GLT8D2: variants seen among roughly 807,000 people sequenced by gnomAD.
The protein encoded by GLT8D2 is glycosyltransferase 8 domain-containing protein 2.
In GLT8D2, 45 loss-of-function variants were observed where a neutral mutation model predicts 44.5. That is an observed-to-expected ratio of 1.01 (90% CI 0.80 to 1.30). The LOEUF is 1.30. Among genes scored for constraint, GLT8D2 ranks in the 50% most tolerant of loss-of-function variants. The pLI is 0.00. For missense variants in GLT8D2, 400 were observed against 430.4 expected, an observed-to-expected ratio of 0.93 and a Z score of 0.62; for synonymous variants, 156 against 157.2, an observed-to-expected ratio of 0.99 and a Z score of 0.06.
intron 4 of GLT8D2, among the ~76,000 whole-genome samples, chr12:104,013,736 T>C (rs957592052): frequency 6.6e-6 from 1 of 151,782 alleles, no homozygotes; most frequent in African/African-American, 2.4e-5. Context: ...GTGGAATAAA[T>C]GTATGTAACA....
Position 103,989,423 on chromosome 12 carries a change from G to A in GLT8D2, c.1035C>T (p.Leu345=), listed in dbSNP as rs779114174. Residue 345 remains leucine, a synonymous_variant, in exon 11 of 11, where the codon CTC becomes CTT. Transcript: ENST00000360814. ...FVPDPAGIFK[L]NHHS is the part of the protein sequence containing the mutation. The stretch of plus-strand genomic sequence containing the variant: ...TAGAGTTATATCAGCTATGGTGATT[G>A]AGTTTAAATATCCCTGCAGGGTCAG... 5 of 1,609,938 alleles carry A rather than the reference G, an allele frequency of 3.1e-6. No homozygotes were observed. In the East Asian group the frequency reaches 1.1e-4, roughly 36 times the overall value.
At chr12:104,064,433 A>C, upstream of GLT8D2, 1 of 960,832 alleles carries the variant, frequency 1.0e-6, no homozygotes, top group Non-Finnish European at 1.4e-6. The surrounding 1 kb of genome is among the most constrained non-coding windows in gnomAD (Gnocchi z 7.3). Context: ...GCGGGCCTCC[A>C]GCCTGGCCGC....
chr12:103,997,956 CGT>C (rs1555276833), intron 6 of GLT8D2, among the ~76,000 whole-genome samples: 7 of 145,432 alleles, frequency 4.8e-5, no homozygotes, highest in Admixed American at 4.1e-4. Flanking sequence ...CACACACACA[CGT>C]GTGTCATTCC....
intron 4 of GLT8D2, among the ~76,000 whole-genome samples, chr12:104,004,408 G>T (rs1264343126): frequency 6.6e-6 from 1 of 152,080 alleles, no homozygotes; most frequent in Non-Finnish European, 1.5e-5. Context: ...AGAAATAAAG[G>T]GTATTCATTT....
chr12:104,001,682 C>CTTTATTTATTTATTTA (rs567362806), intron 5 of GLT8D2, among the ~76,000 whole-genome samples: 4,587 of 151,860 alleles, frequency 0.03, 121 homozygotes, highest in South Asian at 0.099. Flanking sequence ...CACAGAAAAA[C>CTTTATTTATTTATTTA]TTTATTTATT....
At chr12:104,009,319 T>C (rs1395903077) in intron 4 of GLT8D2, among the ~76,000 whole-genome samples, 1 of 152,192 alleles carries the variant, frequency 6.6e-6, no homozygotes, top group East Asian at 1.9e-4. Flanking sequence ...AAGGAGATCA[T>C]TTTGGAGCTT....
intron 1 of GLT8D2, among the ~76,000 whole-genome samples, chr12:104,045,541 G>C (rs1880991574): frequency 6.6e-6 from 1 of 152,156 alleles, no homozygotes; most frequent in Admixed American, 6.5e-5. Flanking sequence ...AAGAAAAGGA[G>C]AGTACAGAGA....
chr12:104,032,466 CAAA>C (rs547392677), intron 1 of GLT8D2, among the ~76,000 whole-genome samples: 5,477 of 59,244 alleles, frequency 0.092, 69 homozygotes, highest in African/African-American at 0.13. Flanking sequence ...TGTGCAATAG[CAAA>C]AAAAAAAAAA....
chr12:104,027,146 C>T (rs554121119), intron 1 of GLT8D2, among the ~76,000 whole-genome samples: 1 of 152,346 alleles, frequency 6.6e-6, no homozygotes, highest in South Asian at 2.1e-4. Context: ...ATAGACTGAA[C>T]ACCCAAGAGC....
At chr12:103,995,290 G>C (rs959441527) in intron 8 of GLT8D2, among the ~76,000 whole-genome samples, 1 of 152,090 alleles carries the variant, frequency 6.6e-6, no homozygotes, top group African/African-American at 2.4e-5. Context: ...AAAATGGCCT[G>C]CCATACCCTA....
rs376639711 is a variant in GLT8D2 at position 104,003,293 on chromosome 12, C to T, written c.126G>A (p.Glu42=). 1 of 1,613,992 alleles carries T rather than the reference C, an allele frequency of 6.2e-7. No homozygotes were observed. The change falls in exon 5 of 11, where the codon GAG becomes GAA. Residue 42 remains glutamate, a synonymous_variant. Transcript: ENST00000360814. ...TCTCTTCTTCCAGTTCTTCAGGAGT[C>T]TCGGATTCATCATCTGGAAACATAA... is the stretch of plus-strand genomic sequence containing the variant. The part of the protein sequence containing the change: ...VPKNDADDES[E]TPEELEEEIP...
intron 1 of GLT8D2, among the ~76,000 whole-genome samples, chr12:104,062,126 T>G (rs1377109252): frequency 2.6e-5 from 4 of 151,714 alleles, no homozygotes; most frequent in Non-Finnish European, 1.5e-5. Flanking sequence ...CAGGCTGGAG[T>G]GCAATGGCAC....
chr12:104,002,201 C>T (rs1420889516), intron 5 of GLT8D2, among the ~76,000 whole-genome samples: 1 of 152,120 alleles, frequency 6.6e-6, no homozygotes, highest in African/African-American at 2.4e-5. Flanking sequence ...CCAAGTCATC[C>T]TTTTTCCTTG....
At chr12:104,023,132 T>C (rs1480373108) in intron 1 of GLT8D2, among the ~76,000 whole-genome samples, 1 of 152,152 alleles carries the variant, frequency 6.6e-6, no homozygotes, top group African/African-American at 2.4e-5. Flanking sequence ...TTCTTAAAAA[T>C]TGCTATGCAT....
intron 4 of GLT8D2, chr12:104,012,732 A>T: frequency 1.5e-6 from 1 of 674,824 alleles, no homozygotes; most frequent in Middle Eastern, 2.4e-4. Context: ...AGCTTCCAGC[A>T]TCTCAGGATG....
chr12:104,018,124 C>T (rs189285124), intron 3 of GLT8D2, among the ~76,000 whole-genome samples: 3 of 152,112 alleles, frequency 2.0e-5, no homozygotes, highest in Admixed American at 1.3e-4. Flanking sequence ...CACATATCAC[C>T]ACACCTGGCT....
At chr12:104,032,489 A>AAAAAAAAAAAAAAAAAAAAG (rs1879406106) in intron 1 of GLT8D2, among the ~76,000 whole-genome samples, 2 of 134,332 alleles carry the variant, frequency 1.5e-5, no homozygotes, top group African/African-American at 5.5e-5. Flanking sequence ...AAAAAAAAAA[A>AAAAAAAAAAAAAAAAAAAAG]AATAGGCAAA....
rs536410834 is a variant in GLT8D2, at chr12:104,055,968, T to C, written c.-422-5680A>G. Among the ~76,000 whole-genome samples, 8 of 152,362 alleles carry C rather than the reference T, an allele frequency of 5.3e-5. No individual in the cohort carries two copies. The East Asian group carries it at 1.5e-3, about 29-fold the overall frequency. ...GTTGCAGGTCATCTTCCTGTTGCCC[T>C]GAGCTTCGGTGCTCTTGCTTTCCCC... On this transcript the variant is annotated intron_variant, in intron 1 of 10. Coordinates refer to the GLT8D2 transcript ENST00000548660.
chr12:104,021,953 A>G (rs28505253), intron 1 of GLT8D2, among the ~76,000 whole-genome samples: 315 of 13,692 alleles, frequency 0.023, 17 homozygotes, highest in East Asian at 0.15. Flanking sequence ...AAGAAGAAGA[A>G]GAGGAAGAAG....
Sources: gnomAD v4.1 joint callset for allele counts (sites outside exome capture counted in the v4.1 genomes callset) on GRCh38, gnomAD v4.1.1 for gene constraint, Gnocchi (gnomAD v3.1) non-coding constraint, MANE v1.5 for transcripts, NCBI Gene and HGNC (gene_info 2026-07-23, HGNC 2026-07-21) for gene names.